DCAF8L2: variants seen among roughly 807,000 people sequenced by gnomAD.
The protein encoded by DCAF8L2 is DDB1 and CUL4 associated factor 8 like 2.
For missense variants in DCAF8L2, 430 were observed against 490.7 expected (o/e 0.88, Z 1.17); for synonymous variants, 200 against 190.9 (o/e 1.05, Z -0.39).
At chrX:27,492,476 T>A in the DCAF8L2 span, among the ~76,000 whole-genome samples, 1 of 101,339 alleles carries the variant, frequency 9.9e-6, no homozygotes, top group Non-Finnish European at 2.0e-5. Context: ...CTTTTTTCTT[T>A]CTTTCTTTTT....
chrX:27,649,995 G>A (rs1369222424), intron 2 of DCAF8L2, among the ~76,000 whole-genome samples: 1 of 111,205 alleles, frequency 9.0e-6, no homozygotes, highest in African/African-American at 3.3e-5. Flanking sequence ...AAAAGGTAGG[G>A]GTCCAGTTTC....
At chrX:27,572,091 G>C in the DCAF8L2 span, among the ~76,000 whole-genome samples, 1 of 111,917 alleles carries the variant, frequency 8.9e-6, no homozygotes, top group African/African-American at 3.2e-5. Flanking sequence ...TCAATAACTA[G>C]AAGAAGGAAA....
chrX:27,508,233 C>A, the DCAF8L2 span, among the ~76,000 whole-genome samples: 1 of 111,505 alleles, frequency 9.0e-6, no homozygotes, highest in Non-Finnish European at 1.9e-5. Context: ...CACTTCAGTG[C>A]TAAATGTACA....
intron 4 of DCAF8L2, among the ~76,000 whole-genome samples, chrX:27,739,178 A>G (rs190369435): frequency 2.7e-5 from 3 of 111,101 alleles, no homozygotes; most frequent in East Asian, 5.7e-4. Context: ...AAAACCCTTT[A>G]TAAGAGTTGT....
At chrX:27,622,006 C>CA (rs1190484703) in intron 1 of DCAF8L2, among the ~76,000 whole-genome samples, 17 of 100,119 alleles carry the variant, frequency 1.7e-4, no homozygotes, top group Non-Finnish European at 3.1e-4. Flanking sequence ...ACAACAACAA[C>CA]AAAAAAAAAA....
At chrX:27,745,526 T>G (rs930640620) in intron 4 of DCAF8L2, among the ~76,000 whole-genome samples, 9 of 112,299 alleles carry the variant, frequency 8.0e-5, no homozygotes, top group African/African-American at 2.9e-4. Flanking sequence ...TTTTCAGTGG[T>G]TTTCAGTTTG....
chrX:27,478,229 TTATG>T, the DCAF8L2 span, among the ~76,000 whole-genome samples: 8 of 112,442 alleles, frequency 7.1e-5, no homozygotes, highest in African/African-American at 2.6e-4. Flanking sequence ...GCAGTTCTAA[TTATG>T]TAGGATGCAA....
chrX:27,684,596 G>A (rs1004486845), intron 3 of DCAF8L2, among the ~76,000 whole-genome samples: 2 of 111,372 alleles, frequency 1.8e-5, no homozygotes, highest in African/African-American at 6.5e-5. Context: ...TATATTTAGG[G>A]CATTCAGAAT....
At chrX:27,547,936 G>A in the DCAF8L2 span, among the ~76,000 whole-genome samples, 1 of 92,008 alleles carries the variant, frequency 1.1e-5, no homozygotes, top group Non-Finnish European at 2.0e-5. Context: ...AGATGTGCCT[G>A]CTTCTTCTTC....
chrX:27,546,353 G>A, the DCAF8L2 span, among the ~76,000 whole-genome samples: 1 of 111,880 alleles, frequency 8.9e-6, no homozygotes, highest in Admixed American at 9.4e-5. Context: ...CTGCTTATAT[G>A]GGCTGGCGTT....
At chrX:27,477,349 G>T in the DCAF8L2 span, among the ~76,000 whole-genome samples, 1 of 111,720 alleles carries the variant, frequency 9.0e-6, no homozygotes, top group Non-Finnish European at 1.9e-5. Context: ...GTGCAGTGGT[G>T]CGATCTCGGC....
intron 4 of DCAF8L2, among the ~76,000 whole-genome samples, chrX:27,727,413 A>G (rs1932104922): frequency 9.0e-6 from 1 of 111,305 alleles, no homozygotes; most frequent in Non-Finnish European, 1.9e-5. Flanking sequence ...CAAAGCTCAT[A>G]AAGATATTCT....
chrX:27,578,020 G>C, the DCAF8L2 span, among the ~76,000 whole-genome samples: 3 of 111,230 alleles, frequency 2.7e-5, no homozygotes, highest in Non-Finnish European at 5.7e-5. Context: ...AACTACCATT[G>C]ACATTCTTTA....
At position 27,745,041 on chromosome X, in the gene DCAF8L2, G is replaced by T. The variant is rs1922093611; in HGVS notation, c.-58-1797G>T. ...ACAATTCCTTTATGGGTATGTTAGG[G>T]TTTGATGCTCTAGGTTTCCTGTTTT... On this transcript the variant is annotated intron_variant, in intron 4 of 4. Transcript: ENST00000451261. 3.6e-5 allele frequency among the ~76,000 whole-genome samples: 4 copies of T among 112,092 alleles called. No homozygotes were observed. The South Asian group carries it at 1.5e-3, about 42-fold the overall frequency.
At chrX:27,573,254 T>TCACA in the DCAF8L2 span, among the ~76,000 whole-genome samples, 22 of 99,722 alleles carry the variant, frequency 2.2e-4, no homozygotes, top group Middle Eastern at 5.1e-3. Context: ...TCTCTCTCTC[T>TCACA]CACACACACA....
chrX:27,479,307 C>A, the DCAF8L2 span, among the ~76,000 whole-genome samples: 1 of 111,235 alleles, frequency 9.0e-6, no homozygotes, highest in South Asian at 3.8e-4. Flanking sequence ...AGAGTTTTCA[C>A]ATGAAGTCAC....
At chrX:27,699,070 G>A (rs1254557228) in intron 3 of DCAF8L2, among the ~76,000 whole-genome samples, 2 of 111,597 alleles carry the variant, frequency 1.8e-5, no homozygotes, top group African/African-American at 3.3e-5. Context: ...ACAAAAATTG[G>A]CAGAAAACTA....
the DCAF8L2 span, among the ~76,000 whole-genome samples, chrX:27,473,689 A>G: frequency 1.8e-5 from 2 of 110,581 alleles, no homozygotes; most frequent in Non-Finnish European, 3.8e-5. Context: ...CTCTAGTTGC[A>G]TATCTAAAAG....
the DCAF8L2 span, among the ~76,000 whole-genome samples, chrX:27,477,381 G>A: frequency 1.8e-5 from 2 of 111,185 alleles, no homozygotes; most frequent in African/African-American, 6.6e-5. Flanking sequence ...TCTGCCTCCC[G>A]GGTTCATGCT....
Sources: gnomAD v4.1 joint callset for allele counts (sites outside exome capture counted in the v4.1 genomes callset) on GRCh38, gnomAD v4.1.1 for gene constraint, MANE v1.5 for transcripts, NCBI Gene and HGNC (gene_info 2026-07-23, HGNC 2026-07-21) for gene names.